The following NRXN1 variants were observed in gnomAD, a reference collection of about 807,000 sequenced individuals.
The protein encoded by NRXN1 is neurexin-1.
A neutral mutation model predicts 150.9 loss-of-function variants in NRXN1; 39 were observed. The ratio of observed to expected loss-of-function variants is 0.26; its 90% CI spans 0.20 to 0.34. The LOEUF is 0.34. NRXN1 is among the 10% of genes least tolerant of loss of function. NRXN1 has a pLI of 1.00. For synonymous variants in NRXN1, 924 were observed against 757.0 expected, an observed-to-expected ratio of 1.22 and a Z score of -3.62; for missense variants, 1,815 against 1,949.9, an observed-to-expected ratio of 0.93 and a Z score of 1.30.
intron 18 of NRXN1, among the ~76,000 whole-genome samples, chr2:50,223,073 C>A (rs1429452014): frequency 3.3e-5 from 5 of 151,788 alleles, no homozygotes; most frequent in Non-Finnish European, 7.4e-5. Flanking sequence ...AAATTCAATT[C>A]CTTCTGAACA....
chr2:50,308,779 A>T (rs191962399), intron 17 of NRXN1, among the ~76,000 whole-genome samples: 1 of 152,316 alleles, frequency 6.6e-6, no homozygotes, highest in Non-Finnish European at 1.5e-5. Flanking sequence ...GGCATCATAC[A>T]TGATGCTAAA....
chr2:50,496,904 C>G (rs1001156881), intron 14 of NRXN1, among the ~76,000 whole-genome samples: 1 of 152,160 alleles, frequency 6.6e-6, no homozygotes, highest in Non-Finnish European at 1.5e-5. Flanking sequence ...CTAAGGCACT[C>G]TGACATAGAA....
At position 51,028,203 on chromosome 2, in the gene NRXN1, C is replaced by G. The variant is rs1670920288; in HGVS notation, c.71G>C (p.Trp24Ser). Residue 24 changes from tryptophan to serine, a missense_variant, in exon 2 of 23, where the codon TGG becomes TCG. Physicochemically the swap from Trp to Ser is radical, Grantham distance 177. Transcript: ENST00000401669. Reference protein sequence around the residue: ...LCLSLLLLGCWAELGSGLEFP... With the variant: ...LCLSLLLLGCSAELGSGLEFP... ...CTCCAGCCCGCTGCCCAGCTCCGCC[C>G]AGCAGCCCAGGAGCAGCAGCGAGAG... is the stretch of plus-strand genomic sequence containing the variant. 2 of 1,491,178 alleles carry G rather than the reference C, an allele frequency of 1.3e-6. No individual in the cohort carries two copies. 92.4% of individuals were successfully genotyped at this position (1,491,178 alleles called of 1,614,324 possible). A position where few individuals can be genotyped will look rare whatever the true frequency, so the allele number is the denominator to read the frequency against.
chr2:50,028,343 A>G (rs996511065), intron 21 of NRXN1, among the ~76,000 whole-genome samples: 1 of 152,228 alleles, frequency 6.6e-6, no homozygotes, highest in Non-Finnish European at 1.5e-5. Context: ...ACAAGGAGAC[A>G]TCAAGGCATT....
chr2:50,425,252 CT>C (rs2084384918), intron 17 of NRXN1, among the ~76,000 whole-genome samples: 1 of 152,134 alleles, frequency 6.6e-6, no homozygotes, highest in Non-Finnish European at 1.5e-5. Flanking sequence ...GAAACTAAGA[CT>C]TTATACTGGA....
At chr2:50,464,193 A>G (rs1203669870) in intron 17 of NRXN1, among the ~76,000 whole-genome samples, 1 of 151,766 alleles carries the variant, frequency 6.6e-6, no homozygotes, top group Non-Finnish European at 1.5e-5. Context: ...ATACATGTTT[A>G]TTGCTTCAGG....
chr2:50,623,614 T>C lies in NRXN1; in HGVS notation c.834A>G (p.Gly278=). ...TGAACGTGGCAATATATTCTTCTTT[T>C]CCTAGAGGAAAACAGATGATACATA... The part of the protein sequence containing the change: ...LMMGDQGKSK[G]KEEYIATFKG... The change falls in exon 6 of 23, where the codon GGA becomes GGG. Residue 278 remains glycine, a splice_region_variant and synonymous_variant. Transcript: ENST00000401669. The C allele has an allele frequency of 1.2e-6, 2 of 1,606,310 alleles. No individual in the cohort carries two copies. The highest frequency in any genetic ancestry group is 2.2e-5 in the East Asian group (1 of 44,664).
At chr2:50,117,766 G>T (rs1703261950) in intron 18 of NRXN1, among the ~76,000 whole-genome samples, 1 of 141,450 alleles carries the variant, frequency 7.1e-6, no homozygotes, top group Admixed American at 7.5e-5. Context: ...TAAAGCCTCA[G>T]GCTGTCAGAA....
chr2:49,980,612 T>C (rs533813355), intron 21 of NRXN1, among the ~76,000 whole-genome samples: 2 of 152,220 alleles, frequency 1.3e-5, no homozygotes, highest in South Asian at 2.1e-4. Context: ...GAAAATATTT[T>C]TGAGCAAGGA....
chr2:50,330,083 T>C (rs1344377324), intron 17 of NRXN1, among the ~76,000 whole-genome samples: 5 of 152,116 alleles, frequency 3.3e-5, no homozygotes, highest in Admixed American at 6.5e-5. Flanking sequence ...ATTTATATTA[T>C]AGAAGGAAAT....
chr2:50,808,183 A>G (rs930580846), intron 5 of NRXN1, among the ~76,000 whole-genome samples: 10 of 152,122 alleles, frequency 6.6e-5, no homozygotes, highest in African/African-American at 2.4e-4. Context: ...ACTATTGTAA[A>G]TAGTTTCCGG....
At chr2:50,003,267 G>T (rs1684236542) in intron 21 of NRXN1, among the ~76,000 whole-genome samples, 1 of 152,100 alleles carries the variant, frequency 6.6e-6, no homozygotes, top group African/African-American at 2.4e-5. Flanking sequence ...GAAATAGCTT[G>T]TTAAGATTAT....
At position 50,018,673 on chromosome 2, in the gene NRXN1, T is replaced by G. The variant is rs116066765; in HGVS notation, c.4128+34598A>C. On this transcript the variant is annotated intron_variant, in intron 21 of 22. Coordinates refer to ENST00000401669, the MANE Select transcript of NRXN1 (RefSeq NM_001330078.2). Reference sequence around the variant, plus strand: ...TGCTGATTTGATATGAAACACATAATGTTTTTATAGATCAAGGCTGCCAGT... The same window carrying G: ...TGCTGATTTGATATGAAACACATAAGGTTTTTATAGATCAAGGCTGCCAGT... 4.5e-3 allele frequency among the ~76,000 whole-genome samples: 678 copies of G among 152,348 alleles called. 3 individuals are homozygous for G. Among genetic ancestry groups the G allele is most frequent in the Middle Eastern group, 0.024 (7 of 294 alleles).
At chr2:50,363,572 A>G (rs973722660) in intron 17 of NRXN1, among the ~76,000 whole-genome samples, 4 of 152,372 alleles carry the variant, frequency 2.6e-5, no homozygotes, top group East Asian at 1.9e-4. Flanking sequence ...AATGGTGATC[A>G]TTAAAAAGTC....
chr2:50,778,943 T>C (rs568018571), intron 5 of NRXN1, among the ~76,000 whole-genome samples: 1 of 152,328 alleles, frequency 6.6e-6, no homozygotes, highest in Non-Finnish European at 1.5e-5. Context: ...AAAGATTACA[T>C]ATAATCCCAC....
chr2:50,573,010 A>C (rs575201119), intron 8 of NRXN1, among the ~76,000 whole-genome samples: 1 of 152,294 alleles, frequency 6.6e-6, no homozygotes, highest in Non-Finnish European at 1.5e-5. Context: ...CTTAATTGAA[A>C]TACAATTGGA....
At chr2:50,252,594 G>T (rs892472005) in intron 17 of NRXN1, among the ~76,000 whole-genome samples, 1 of 152,094 alleles carries the variant, frequency 6.6e-6, no homozygotes, top group Non-Finnish European at 1.5e-5. Flanking sequence ...GTTAATTTTT[G>T]TATAAGGTGT....
intron 8 of NRXN1, among the ~76,000 whole-genome samples, chr2:50,604,987 T>C (rs2103987742): frequency 6.6e-6 from 1 of 152,320 alleles, no homozygotes; most frequent in East Asian, 1.9e-4. Flanking sequence ...CTAGCACCAT[T>C]ACATACAACA....
intron 2 of NRXN1, chr2:50,979,159 A>G (rs766403517): frequency 8.6e-6 from 4 of 462,748 alleles, no homozygotes; most frequent in African/African-American, 6.0e-5. Context: ...GCTAAAACAC[A>G]TAACTTACAT....
Sources: allele counts gnomAD v4.1 joint callset (sites outside exome capture counted in the v4.1 genomes callset), GRCh38; gene constraint gnomAD v4.1.1; transcripts MANE v1.5; gene names NCBI Gene and HGNC (gene_info 2026-07-23, HGNC 2026-07-21).